The following LARP4 variants were observed in gnomAD, a reference collection of about 807,000 sequenced individuals.
The protein encoded by LARP4 is La ribonucleoprotein 4.
LARP4 carries 29 observed loss-of-function variants against 92.9 expected under a neutral mutation model. That is an observed-to-expected ratio of 0.31 (90% CI 0.23 to 0.43). LARP4 has a LOEUF of 0.43. Among genes scored for constraint, LARP4 ranks in the 20% least tolerant of loss-of-function variants. The probability of loss-of-function intolerance (pLI) is 1.00; values close to 1 mark genes in which losing one functional copy is unlikely to be tolerated. For synonymous variants in LARP4, 279 were observed against 284.1 expected, an observed-to-expected ratio of 0.98 and a Z score of 0.18; for missense variants, 732 against 860.0, an observed-to-expected ratio of 0.85 and a Z score of 1.86.
chr12:50,409,385 G>A (rs1945429311), intron 1 of LARP4, among the ~76,000 whole-genome samples: 1 of 152,120 alleles, frequency 6.6e-6, no homozygotes, highest in Admixed American at 6.6e-5. Context: ...ATTTAGAGTT[G>A]TAGGCTGGGC....
chr12:50,411,187 C>CTTT lies in LARP4; in HGVS notation c.18+10172_18+10174dup, dbSNP rs11441189. ...ATTTTATCAAGATCCCTAGTTGATT[C>CTTT]TTTTTTTTTTTTTTTGAAGATAGTG... is the stretch of plus-strand genomic sequence containing the variant. On this transcript the variant is annotated intron_variant, in intron 1 of 15. Coordinates refer to ENST00000398473, the MANE Select transcript of LARP4 (RefSeq NM_052879.5). Among the ~76,000 whole-genome samples, 8 of 139,026 alleles carry CTTT rather than the reference C, an allele frequency of 5.8e-5. No homozygotes were observed. In the Admixed American group the frequency reaches 5.8e-4, roughly 10 times the overall value. 91.2% of individuals were successfully genotyped at this position (139,026 alleles called of 152,430 possible). A position where few individuals can be genotyped will look rare whatever the true frequency, so the allele number is the denominator to read the frequency against.
In LARP4 at chr12:50,474,145, C is replaced by T. The variant is rs759954171; in HGVS notation, c.1814C>T (p.Ala605Val). 5.0e-6 allele frequency: 8 copies of T among 1,612,266 alleles called. 1 individual carries two copies. The South Asian group carries it at 8.8e-5, about 18-fold the overall frequency. ...TASPCNNNIN[A>V]ATAVALQEPR... ...TCACCATGTAATAATAACATAAATG[C>T]AGCTACAGCTGTGGCTCTACAGGTA... Residue 605 changes from alanine to valine, a missense_variant, in exon 15 of 16, where the codon GCA becomes GTA. This residue lies in a region of LARP4 where 97 missense variants were observed against 85.9 expected (regional missense o/e 1.13). Coordinates refer to ENST00000398473, the MANE Select transcript of LARP4 (RefSeq NM_052879.5).
rs574346601 is a variant in LARP4 at position 50,465,350 on chromosome 12, C to T, written c.1384-1609C>T. 3.9e-3 allele frequency among the ~76,000 whole-genome samples: 524 copies of T among 135,232 alleles called. 2 individuals carry two copies. The highest frequency in any genetic ancestry group is 6.0e-3 in the Non-Finnish European group (389 of 64,440). 88.7% of individuals were successfully genotyped at this position (135,232 alleles called of 152,430 possible). A position where few individuals can be genotyped will look rare whatever the true frequency, so the allele number is the denominator to read the frequency against. On this transcript the variant is annotated intron_variant, in intron 12 of 15. Coordinates refer to ENST00000398473, the MANE Select transcript of LARP4 (RefSeq NM_052879.5). ...TCATGCCACTGCACTCCAGCCTGGG[C>T]GACAGAGCCAGACTCTGTCTCAAAA...
chr12:50,414,916 T>C (rs550587912), intron 1 of LARP4, among the ~76,000 whole-genome samples: 1 of 152,274 alleles, frequency 6.6e-6, no homozygotes, highest in Non-Finnish European at 1.5e-5. Flanking sequence ...TTAAAATGTA[T>C]AGTCTTGGCC....
chr12:50,464,401 G>T (rs1317972988), intron 12 of LARP4, among the ~76,000 whole-genome samples: 1 of 152,124 alleles, frequency 6.6e-6, no homozygotes, highest in African/African-American at 2.4e-5. Flanking sequence ...TGTTTTTAGG[G>T]TATACTAAAT....
At chr12:50,446,689 A>ATTTG (rs1242327869) in intron 8 of LARP4, among the ~76,000 whole-genome samples, 2 of 151,458 alleles carry the variant, frequency 1.3e-5, no homozygotes, top group East Asian at 3.9e-4. Context: ...AGCCCCCCAA[A>ATTTG]GTACTGGGAT....
At chr12:50,416,456 GTGA>G (rs1313412039) in intron 1 of LARP4, 5 of 152,170 alleles carry the variant, frequency 3.3e-5, no homozygotes, top group Non-Finnish European at 7.3e-5. Flanking sequence ...ACTTAAGCTT[GTGA>G]GTTTGAGACC....
chr12:50,433,666 T>TTC (rs1214034734), intron 4 of LARP4, among the ~76,000 whole-genome samples: 4 of 149,974 alleles, frequency 2.7e-5, no homozygotes, highest in Admixed American at 1.3e-4. Flanking sequence ...TGAGATGGAG[T>TTC]TCTCACTCTA....
At chr12:50,475,413 G>T (rs1427490751) in intron 15 of LARP4, 113 bp from the exon 16 acceptor site, 18 of 821,934 alleles carry the variant, frequency 2.2e-5, no homozygotes, top group Non-Finnish European at 3.3e-5. Flanking sequence ...AGTGCTTGTT[G>T]CCCTTTTCTG....
intron 1 of LARP4, among the ~76,000 whole-genome samples, chr12:50,412,953 G>C (rs1946158170): frequency 6.6e-6 from 1 of 152,048 alleles, no homozygotes; most frequent in Non-Finnish European, 1.5e-5. Flanking sequence ...GGCTGGGCGT[G>C]GTAGCTCACA....
chr12:50,452,911 C>CTTG (rs775635228), intron 8 of LARP4, among the ~76,000 whole-genome samples: 1 of 151,592 alleles, frequency 6.6e-6, no homozygotes, highest in African/African-American at 2.4e-5. Context: ...TTTTACTCTG[C>CTTG]TTGTTGTTGT....
chr12:50,456,612 A>G (rs1437825043), intron 10 of LARP4, among the ~76,000 whole-genome samples: 2 of 152,310 alleles, frequency 1.3e-5, no homozygotes, highest in Non-Finnish European at 2.9e-5. Context: ...AGAGAATAGG[A>G]CTAACTTTCA....
chr12:50,462,743 A>C lies in LARP4; in HGVS notation c.1383+113A>C. ...TGTTTTATTGATTGTAGTCTTCAGCAAAGGTAAATAGAGCCTAAATTTAAC... is the reference window on the plus strand; with the variant it reads ...TGTTTTATTGATTGTAGTCTTCAGCCAAGGTAAATAGAGCCTAAATTTAAC... On this transcript the variant is annotated intron_variant, in intron 12 of 15. Transcript: ENST00000398473. The C allele has an allele frequency of 5.5e-6, 4 of 724,930 alleles. No individual in the cohort carries two copies. In the South Asian group the frequency reaches 7.5e-5, roughly 14 times the overall value. 44.9% of individuals were successfully genotyped at this position (724,930 alleles called of 1,614,324 possible).
In LARP4 at chr12:50,430,350, G is replaced by A. The variant is rs1267399656; in HGVS notation, c.323-145G>A. ...CTGTACTCTAGCCTGGGCAACAAAG[G>A]GAGACCCTGTTTCTCTGAAACAATA... On this transcript the variant is annotated intron_variant, in intron 3 of 15. Transcript: ENST00000398473. 7.1e-6 allele frequency: 4 copies of A among 562,182 alleles called. No individual in the cohort carries two copies. In the African/African-American group the frequency reaches 7.6e-5, roughly 11 times the overall value. The allele number at this position is 562,182 out of a possible 1,614,324, so 34.8% of individuals were successfully genotyped here.
chr12:50,437,552 A>G (rs1950616387), intron 5 of LARP4, among the ~76,000 whole-genome samples, 183 bp from the exon 6 acceptor site: 1 of 152,234 alleles, frequency 6.6e-6, no homozygotes, highest in Non-Finnish European at 1.5e-5. Context: ...TGTTCTTTAC[A>G]TACAAATCTC....
Position 50,427,842 on chromosome 12 carries a change from C to T in LARP4, c.99C>T (p.Thr33=). The part of the protein sequence containing the change: ...QEIAPGNTDA[T]PVTHGTESSW... Reference sequence around the variant, plus strand: ...TTGCTCCTGGAAATACTGATGCCACCCCAGTAACTCATGGAACTGAAAGCT... The same window carrying T: ...TTGCTCCTGGAAATACTGATGCCACTCCAGTAACTCATGGAACTGAAAGCT... Residue 33 remains threonine, a synonymous_variant, in exon 2 of 16, where the codon ACC becomes ACT. Coordinates refer to ENST00000398473, the MANE Select transcript of LARP4 (RefSeq NM_052879.5). 6.2e-7 allele frequency: 1 copy of T among 1,603,786 alleles called. No individual in the cohort carries two copies. Among genetic ancestry groups the T allele is most frequent in the Non-Finnish European group, 8.5e-7 (1 of 1,172,890 alleles).
rs1957699888 is a variant in LARP4, at chr12:50,478,719, T to C, written c.*2855T>C. The C allele has an allele frequency of 6.6e-6, 1 of 152,278 alleles. No homozygotes were observed. Among genetic ancestry groups the C allele is most frequent in the East Asian group, 1.9e-4 (1 of 5,190 alleles). The allele number at this position is 152,278 out of a possible 1,614,324, so 9.4% of individuals were successfully genotyped here. A position where few individuals can be genotyped will look rare whatever the true frequency, so the allele number is the denominator to read the frequency against. On this transcript the variant is annotated 3_prime_UTR_variant, in exon 16 of 16. Coordinates refer to ENST00000398473, the MANE Select transcript of LARP4 (RefSeq NM_052879.5). ...TTCATAGAGAAGGTACATAGAGACA[T>C]TGCAAAACCTGTCTCCATTTGCTAT...
intron 5 of LARP4, among the ~76,000 whole-genome samples, chr12:50,436,194 ATC>A (rs1418987591): frequency 8.4e-6 from 1 of 119,198 alleles, no homozygotes; most frequent in Non-Finnish European, 1.8e-5. Context: ...ATATATATAT[ATC>A]CCGCTACTGA....
chr12:50,449,651 A>G (rs1952796298), intron 8 of LARP4, among the ~76,000 whole-genome samples: 1 of 152,050 alleles, frequency 6.6e-6, no homozygotes, highest in Admixed American at 6.6e-5. Flanking sequence ...TTCATTAGAG[A>G]TTGCTAAAAT....
Sources: gnomAD v4.1 joint callset for allele counts (sites outside exome capture counted in the v4.1 genomes callset) on GRCh38, gnomAD v4.1.1 for gene constraint, gnomAD v4.1.1 regional missense constraint, MANE v1.5 for transcripts, NCBI Gene and HGNC (gene_info 2026-07-23, HGNC 2026-07-21) for gene names.